PALLD: variants seen among roughly 807,000 people sequenced by gnomAD.
PALLD encodes palladin.
In PALLD, 61 loss-of-function variants were observed where a neutral mutation model predicts 123.5. The ratio of observed to expected loss-of-function variants is 0.49; its 90% CI spans 0.40 to 0.61. The LOEUF is 0.61. PALLD is among the 20% of genes least tolerant of loss of function. The pLI, the probability that PALLD is intolerant of heterozygous loss-of-function variation, is 0.00. For missense variants in PALLD, 1,273 were observed against 1,377.0 expected (o/e 0.92, Z 1.20); for synonymous variants, 465 against 496.4 (o/e 0.94, Z 0.84).
chr4:168,829,836 A>G (rs918411888), intron 10 of PALLD, among the ~76,000 whole-genome samples: 6 of 152,366 alleles, frequency 3.9e-5, no homozygotes, highest in Non-Finnish European at 8.8e-5. Flanking sequence ...TTCCAGGACA[A>G]TGAATTGTTG....
At chr4:168,522,774 C>G (rs747877523) in intron 2 of PALLD, among the ~76,000 whole-genome samples, 19 of 152,182 alleles carry the variant, frequency 1.2e-4, no homozygotes, top group Non-Finnish European at 2.5e-4. Flanking sequence ...AGAAATGGTT[C>G]TTTCCTATTT....
intron 15 of PALLD, among the ~76,000 whole-genome samples, chr4:168,904,573 A>ACTCATT (rs1757227385): frequency 6.6e-6 from 1 of 152,094 alleles, no homozygotes; most frequent in Non-Finnish European, 1.5e-5. Flanking sequence ...GATATAGGGG[A>ACTCATT]TACAAAAATG....
intron 13 of PALLD, 146 bp from the exon 14 acceptor site, chr4:168,898,346 TA>T (rs767999301): frequency 1.5e-6 from 1 of 680,708 alleles, no homozygotes; most frequent in Non-Finnish European, 2.7e-6. Flanking sequence ...TTTTGTTTCA[TA>T]TGCAATTGAA....
chr4:168,515,046 A>G (rs923746231), intron 2 of PALLD, among the ~76,000 whole-genome samples: 4 of 152,212 alleles, frequency 2.6e-5, no homozygotes, highest in Non-Finnish European at 4.4e-5. Context: ...AAGTCTCATA[A>G]AATGTTCCAT....
chr4:168,656,237 A>ACC (rs372112391), intron 2 of PALLD, among the ~76,000 whole-genome samples: 11 of 102,416 alleles, frequency 1.1e-4, no homozygotes, highest in African/African-American at 3.7e-4. Flanking sequence ...TCCATTCTCC[A>ACC]CCCCCCCACC....
intron 2 of PALLD, among the ~76,000 whole-genome samples, chr4:168,611,071 T>G (rs1364978935): frequency 6.6e-6 from 1 of 152,196 alleles, no homozygotes. Flanking sequence ...AAGCTGTCCA[T>G]GATTACATAC....
chr4:168,750,110 G>A (rs1730851644), intron 10 of PALLD, among the ~76,000 whole-genome samples: 1 of 151,300 alleles, frequency 6.6e-6, no homozygotes, highest in Admixed American at 6.6e-5. Flanking sequence ...ACCACACCCA[G>A]CTAATTTCTG....
intron 10 of PALLD, among the ~76,000 whole-genome samples, chr4:168,815,373 C>T (rs963872238): frequency 5.3e-5 from 8 of 152,192 alleles, no homozygotes; most frequent in East Asian, 1.9e-4. Flanking sequence ...CATCCAGGCT[C>T]GTTGAGATTC....
Position 168,927,986 on chromosome 4 carries a change from ATC to A in PALLD, c.*1808_*1809del, listed in dbSNP as rs1762770067. On this transcript the variant is annotated 3_prime_UTR_variant, in exon 22 of 22. Coordinates refer to ENST00000505667, the MANE Select transcript of PALLD (RefSeq NM_001166108.2). ...GTAGTATTTTTTAAAATAATTTTAT[ATC>A]TGTGTACCACCCCATATATTTCATA... The A allele has an allele frequency of 1.0e-5, 2 of 195,418 alleles. No individual in the cohort carries two copies. The highest frequency in any genetic ancestry group is 4.6e-5 in the African/African-American group (2 of 43,370). 12.1% of individuals were successfully genotyped at this position (195,418 alleles called of 1,614,324 possible). A position where few individuals can be genotyped will look rare whatever the true frequency, so the allele number is the denominator to read the frequency against.
intron 10 of PALLD, among the ~76,000 whole-genome samples, chr4:168,879,347 AG>A (rs1752300951): frequency 1.3e-5 from 2 of 152,216 alleles, no homozygotes; most frequent in Non-Finnish European, 2.9e-5. Flanking sequence ...AGTAAATGCT[AG>A]TACTTACTCA....
intron 2 of PALLD, among the ~76,000 whole-genome samples, chr4:168,580,775 A>G (rs1366186851): frequency 6.6e-6 from 1 of 152,104 alleles, no homozygotes; most frequent in African/African-American, 2.4e-5. Flanking sequence ...CATATACATC[A>G]TGGAATACTA....
At chr4:168,897,703 C>T (rs943088496) in intron 13 of PALLD, among the ~76,000 whole-genome samples, 9 of 152,156 alleles carry the variant, frequency 5.9e-5, no homozygotes, top group African/African-American at 1.9e-4. Context: ...CCTCCCACCT[C>T]GGCCTTCCAA....
At chr4:168,631,660 G>A (rs1775823633) in intron 2 of PALLD, 1 of 985,488 alleles carries the variant, frequency 1.0e-6, no homozygotes, top group Non-Finnish European at 1.2e-6. Flanking sequence ...AGCCTGAGTC[G>A]TGGCCGCTGC....
At chr4:168,498,466 G>A (rs977375992) in intron 1 of PALLD, among the ~76,000 whole-genome samples, 1 of 152,176 alleles carries the variant, frequency 6.6e-6, no homozygotes, top group Non-Finnish European at 1.5e-5. Flanking sequence ...AAAATGTAGA[G>A]GGCAATCATT....
At chr4:168,501,100 T>C (rs1761349902) in intron 1 of PALLD, among the ~76,000 whole-genome samples, 1 of 152,024 alleles carries the variant, frequency 6.6e-6, no homozygotes, top group South Asian at 2.1e-4. Context: ...ATAAATTAAG[T>C]GACATAAAAT....
intron 10 of PALLD, chr4:168,712,346 G>C (rs1177393098): frequency 4.2e-6 from 1 of 239,420 alleles, no homozygotes; most frequent in Admixed American, 5.1e-5. Context: ...ATAGACAAGC[G>C]GGGAAAGACT....
chr4:168,584,034 G>A (rs1770559767), intron 2 of PALLD, among the ~76,000 whole-genome samples: 1 of 152,124 alleles, frequency 6.6e-6, no homozygotes, highest in Non-Finnish European at 1.5e-5. Flanking sequence ...TGCATATGAA[G>A]CTAATGAAAT....
intron 2 of PALLD, among the ~76,000 whole-genome samples, chr4:168,540,495 T>C (rs940334500): frequency 2.0e-5 from 3 of 152,078 alleles, no homozygotes; most frequent in Non-Finnish European, 4.4e-5. Flanking sequence ...GGTTTTAGGA[T>C]TGAAGGGCCA....
chr4:168,854,856 A>G (rs536737146), intron 10 of PALLD, among the ~76,000 whole-genome samples: 2 of 152,174 alleles, frequency 1.3e-5, no homozygotes, highest in Non-Finnish European at 2.9e-5. Context: ...ACTGTTCTCC[A>G]GGTCAGGAGG....
Sources: allele counts gnomAD v4.1 joint callset (sites outside exome capture counted in the v4.1 genomes callset), GRCh38; gene constraint gnomAD v4.1.1; transcripts MANE v1.5; gene names NCBI Gene and HGNC (gene_info 2026-07-23, HGNC 2026-07-21).